SPOCK3: variants seen among roughly 807,000 people sequenced by gnomAD.
SPOCK3 encodes the protein SPARC (osteonectin), cwcv and kazal like domains proteoglycan 3, also known as testican-3.
SPOCK3 carries 30 observed loss-of-function variants against 56.6 expected under a neutral mutation model. The ratio of observed to expected loss-of-function variants is 0.53; its 90% CI spans 0.40 to 0.72. The LOEUF (loss-of-function observed/expected upper bound fraction) is 0.72, where lower values mean the gene tolerates loss of function less well. Ranked by LOEUF, SPOCK3 falls within the 30% of genes least tolerant of loss-of-function variation. SPOCK3 has a pLI of 0.00. For missense variants in SPOCK3, 527 were observed against 530.0 expected (o/e 0.99, Z 0.06); for synonymous variants, 196 against 183.3 (o/e 1.07, Z -0.56).
At chr4:166,839,094 G>C (rs1164694449) in intron 6 of SPOCK3, among the ~76,000 whole-genome samples, 1 of 152,072 alleles carries the variant, frequency 6.6e-6, no homozygotes, top group Non-Finnish European at 1.5e-5. Context: ...CTGAAACCTA[G>C]ACATTTGGGG....
intron 6 of SPOCK3, among the ~76,000 whole-genome samples, chr4:166,805,117 A>T (rs6846491): frequency 0.4 from 61,215 of 151,776 alleles, 15,541 homozygotes; most frequent in East Asian, 0.73. Context: ...TATGCCCTTT[A>T]TATAAATGAT....
At position 167,062,478 on chromosome 4, in the gene SPOCK3, A is replaced by G; in HGVS notation, c.235+14T>C. On this transcript the variant is annotated intron_variant, in intron 3 of 10. Transcript: ENST00000357545. ...CATGTAAAGGTTTTTATTTTAAAAT[A>G]GTTAGATTCTTACCCTGATCGAAGG... 6 of 1,572,160 alleles carry G rather than the reference A, an allele frequency of 3.8e-6. No homozygotes were observed. The highest frequency in any genetic ancestry group is 5.2e-6 in the Non-Finnish European group (6 of 1,145,976).
chr4:166,956,808 C>A (rs529182662), intron 4 of SPOCK3, among the ~76,000 whole-genome samples: 2 of 152,118 alleles, frequency 1.3e-5, no homozygotes, highest in South Asian at 2.1e-4. Flanking sequence ...AGTTGAGAAC[C>A]CTTCTCAACT....
At chr4:167,069,822 G>A (rs1211044785) in intron 2 of SPOCK3, among the ~76,000 whole-genome samples, 2 of 151,928 alleles carry the variant, frequency 1.3e-5, no homozygotes, top group African/African-American at 2.4e-5. Flanking sequence ...GAATCTTAGA[G>A]AAAATCCTGA....
chr4:166,965,892 G>T (rs1332553953), intron 4 of SPOCK3, among the ~76,000 whole-genome samples: 2 of 151,920 alleles, frequency 1.3e-5, no homozygotes, highest in Non-Finnish European at 2.9e-5. Context: ...TTCACTCTTG[G>T]TATACATTTC....
intron 2 of SPOCK3, among the ~76,000 whole-genome samples, chr4:167,165,620 T>A (rs1765691645): frequency 6.6e-6 from 1 of 152,072 alleles, no homozygotes; most frequent in African/African-American, 2.4e-5. Context: ...GTTCAATTCC[T>A]AGAAATTAGA....
At chr4:166,857,458 G>A (rs1162594771) in intron 6 of SPOCK3, among the ~76,000 whole-genome samples, 1 of 152,080 alleles carries the variant, frequency 6.6e-6, no homozygotes, top group Non-Finnish European at 1.5e-5. Flanking sequence ...CTCCAGCTTC[G>A]GTATTTCATT....
intron 6 of SPOCK3, among the ~76,000 whole-genome samples, chr4:166,884,389 A>T (rs1308312992): frequency 6.6e-6 from 1 of 151,822 alleles, no homozygotes; most frequent in African/African-American, 2.4e-5. Context: ...AAAAAAAATG[A>T]CCGATAATAA....
chr4:167,176,832 C>T (rs979329233), intron 2 of SPOCK3, among the ~76,000 whole-genome samples: 6 of 152,042 alleles, frequency 3.9e-5, no homozygotes, highest in East Asian at 3.9e-4. Flanking sequence ...AAGTGGTTCA[C>T]GGGGGCAGAG....
intron 2 of SPOCK3, among the ~76,000 whole-genome samples, chr4:167,094,307 CTCT>C (rs1390592723): frequency 2.0e-5 from 3 of 152,016 alleles, no homozygotes; most frequent in African/African-American, 7.2e-5. Context: ...CACTGTTGAG[CTCT>C]TTTCATTGTA....
intron 3 of SPOCK3, among the ~76,000 whole-genome samples, chr4:167,012,650 C>T (rs900603185): frequency 3.9e-5 from 6 of 151,932 alleles, no homozygotes; most frequent in African/African-American, 4.8e-5. Context: ...AATCACAACA[C>T]GAAATAATGC....
intron 4 of SPOCK3, among the ~76,000 whole-genome samples, chr4:166,927,642 A>G (rs1739267803): frequency 1.3e-5 from 2 of 152,208 alleles, no homozygotes; most frequent in Non-Finnish European, 2.9e-5. Context: ...TTAACATAGA[A>G]GAAAATCTAC....
chr4:167,147,534 G>A (rs970554552), intron 2 of SPOCK3, among the ~76,000 whole-genome samples: 16 of 152,202 alleles, frequency 1.1e-4, no homozygotes, highest in African/African-American at 2.6e-4. Flanking sequence ...GACACTGTTC[G>A]CAATAATGAA....
chr4:167,140,457 CT>C (rs1382900570), intron 2 of SPOCK3, among the ~76,000 whole-genome samples: 1 of 151,992 alleles, frequency 6.6e-6, no homozygotes, highest in Non-Finnish European at 1.5e-5. Flanking sequence ...ATTAGATCCT[CT>C]TTTTCCCAAT....
chr4:166,909,887 T>C lies in SPOCK3; in HGVS notation c.474+2733A>G, dbSNP rs79008701. ...TCTATTTTCAACTCTCATAAGCAGATGTTGGGAACATAATAAAATGACATT... is the reference window on the plus strand; with the variant it reads ...TCTATTTTCAACTCTCATAAGCAGACGTTGGGAACATAATAAAATGACATT... On this transcript the variant is annotated intron_variant, in intron 5 of 10. Coordinates refer to ENST00000357545, the MANE Select transcript of SPOCK3 (RefSeq NM_001040159.2). Among the ~76,000 whole-genome samples, 200 of 152,296 alleles carry C rather than the reference T, an allele frequency of 1.3e-3. No individual in the cohort carries two copies. The East Asian group carries it at 0.024, about 18-fold the overall frequency.
chr4:167,043,284 G>A (rs1753396556), intron 3 of SPOCK3, among the ~76,000 whole-genome samples: 1 of 152,020 alleles, frequency 6.6e-6, no homozygotes, highest in African/African-American at 2.4e-5. Context: ...TTGTTCTGAA[G>A]TATAGGAAGG....
intron 2 of SPOCK3, among the ~76,000 whole-genome samples, chr4:167,162,959 T>A (rs2150445218): frequency 6.6e-6 from 1 of 151,984 alleles, no homozygotes; most frequent in Admixed American, 6.6e-5. Context: ...GGGTGGTTAG[T>A]TTTTTTATTT....
intron 4 of SPOCK3, among the ~76,000 whole-genome samples, chr4:166,951,597 C>T (rs1253874740): frequency 1.5e-5 from 2 of 133,872 alleles, no homozygotes; most frequent in East Asian, 2.1e-4. Flanking sequence ...CCAGCATCAT[C>T]CTGATACCAA....
chr4:166,890,691 T>C (rs1325652135), intron 5 of SPOCK3, among the ~76,000 whole-genome samples: 3 of 152,058 alleles, frequency 2.0e-5, no homozygotes, highest in African/African-American at 7.2e-5. Context: ...TGGTCAATTT[T>C]AGAAAAAGTG....
Sources: gnomAD v4.1 joint callset for allele counts (sites outside exome capture counted in the v4.1 genomes callset) on GRCh38, gnomAD v4.1.1 for gene constraint, MANE v1.5 for transcripts, NCBI Gene and HGNC (gene_info 2026-07-23, HGNC 2026-07-21) for gene names.